NREP: variants seen among roughly 807,000 people sequenced by gnomAD.
NREP encodes neuronal regeneration related protein, also known as neuronal regeneration-related protein.
A neutral mutation model predicts 8.6 loss-of-function variants in NREP; 5 were observed. The observed-to-expected ratio is 0.58, with a 90% confidence interval of 0.30 to 1.22. The LOEUF (loss-of-function observed/expected upper bound fraction) is 1.22. Among genes scored for constraint, NREP ranks in the 50% most tolerant of loss-of-function variants. The pLI is 0.07. For missense variants in NREP, 86 were observed against 82.5 expected (o/e 1.04, Z -0.17); for synonymous variants, 27 against 28.0 (o/e 0.96, Z 0.11).
chr5:111,866,223 A>C (rs1183536283), intron 2 of NREP, among the ~76,000 whole-genome samples: 1 of 152,168 alleles, frequency 6.6e-6, no homozygotes, highest in Non-Finnish European at 1.5e-5. Flanking sequence ...CAACCTATAG[A>C]ATGGGAGAAA....
intron 2 of NREP, among the ~76,000 whole-genome samples, chr5:111,833,897 A>C (rs1042370543): frequency 6.6e-6 from 1 of 152,168 alleles, no homozygotes; most frequent in Admixed American, 6.6e-5. Flanking sequence ...GTTTCAGACT[A>C]TAGTTTTGAG....
intron 2 of NREP, among the ~76,000 whole-genome samples, chr5:111,935,750 G>C (rs1755665012): frequency 6.6e-6 from 1 of 152,052 alleles, no homozygotes; most frequent in Non-Finnish European, 1.5e-5. Context: ...TCTTAGAATA[G>C]AGGAATACCA....
chr5:111,767,055 C>A (rs931136217), intron 2 of NREP, among the ~76,000 whole-genome samples: 1 of 152,066 alleles, frequency 6.6e-6, no homozygotes, highest in Non-Finnish European at 1.5e-5. Flanking sequence ...TTTGAATGCA[C>A]ACGTGAAAAA....
intron 2 of NREP, among the ~76,000 whole-genome samples, chr5:111,815,993 A>G (rs1317822544): frequency 6.6e-6 from 1 of 152,198 alleles, no homozygotes; most frequent in Non-Finnish European, 1.5e-5. Flanking sequence ...ATGGCTTTCA[A>G]AGGGAGCAAA....
intron 2 of NREP, among the ~76,000 whole-genome samples, chr5:111,830,992 T>C (rs1257703315): frequency 6.6e-6 from 1 of 152,230 alleles, no homozygotes; most frequent in Admixed American, 6.5e-5. Flanking sequence ...GGAATTCTCC[T>C]ATATGGGAAG....
At chr5:111,826,834 C>T (rs532324275) in intron 2 of NREP, among the ~76,000 whole-genome samples, 1 of 152,190 alleles carries the variant, frequency 6.6e-6, no homozygotes, top group Admixed American at 6.5e-5. Context: ...CACACCTAGC[C>T]GGAAGTATAA....
At chr5:111,944,717 CT>C (rs749417534) in intron 2 of NREP, among the ~76,000 whole-genome samples, 60 of 152,270 alleles carry the variant, frequency 3.9e-4, no homozygotes, top group Non-Finnish European at 6.3e-4. Context: ...TCAAAGATCA[CT>C]TTGATTAGGA....
chr5:111,839,937 A>AAGACACCT (rs1420768711), intron 2 of NREP, among the ~76,000 whole-genome samples: 1 of 152,034 alleles, frequency 6.6e-6, no homozygotes, highest in Non-Finnish European at 1.5e-5. Context: ...AGACACTTGG[A>AAGACACCT]AGACACCTGA....
At chr5:111,870,150 C>T (rs979880684) in intron 2 of NREP, among the ~76,000 whole-genome samples, 12 of 152,188 alleles carry the variant, frequency 7.9e-5, no homozygotes, top group African/African-American at 2.7e-4. Flanking sequence ...GCACATTAGG[C>T]TGGGTGCAGT....
At chr5:111,849,727 G>A (rs1753263574) in intron 2 of NREP, among the ~76,000 whole-genome samples, 1 of 151,122 alleles carries the variant, frequency 6.6e-6, no homozygotes, top group African/African-American at 2.5e-5. Context: ...AATTCATCTG[G>A]GCACATAGCT....
chr5:111,956,917 T>C (rs1366993387), intron 2 of NREP, among the ~76,000 whole-genome samples: 2 of 151,756 alleles, frequency 1.3e-5, no homozygotes, highest in African/African-American at 2.4e-5. Context: ...TGAGCAGAGA[T>C]TGCACCACTG....
intron 2 of NREP, among the ~76,000 whole-genome samples, chr5:111,883,236 A>T (rs184997784): frequency 1.3e-5 from 2 of 152,232 alleles, no homozygotes; most frequent in African/African-American, 2.4e-5. Context: ...AAGCCATTAC[A>T]TAATGGTAAA....
chr5:111,884,254 C>T (rs1231947889), intron 2 of NREP, among the ~76,000 whole-genome samples: 1 of 151,496 alleles, frequency 6.6e-6, no homozygotes, highest in Non-Finnish European at 1.5e-5. Flanking sequence ...GACACATACA[C>T]TCTCCCAAGA....
At chr5:111,791,982 G>T (rs759410388) in intron 2 of NREP, among the ~76,000 whole-genome samples, 7 of 152,226 alleles carry the variant, frequency 4.6e-5, no homozygotes, top group Non-Finnish European at 7.4e-5. Flanking sequence ...AATGAGAAAA[G>T]TCCCTAGAAT....
At chr5:111,935,458 T>C (rs1454675915) in intron 2 of NREP, among the ~76,000 whole-genome samples, 1 of 152,024 alleles carries the variant, frequency 6.6e-6, no homozygotes, top group African/African-American at 2.4e-5. Context: ...CAGGGAGGCA[T>C]GCTACAGAAC....
chr5:111,887,037 C>T (rs966529738), intron 2 of NREP, among the ~76,000 whole-genome samples: 4 of 151,624 alleles, frequency 2.6e-5, no homozygotes, highest in African/African-American at 9.7e-5. Context: ...GATCCTCATG[C>T]CTCACCCTCC....
chr5:111,952,687 A>G (rs1488993542), intron 2 of NREP, among the ~76,000 whole-genome samples: 2 of 152,104 alleles, frequency 1.3e-5, no homozygotes, highest in East Asian at 3.9e-4. Flanking sequence ...CTGTTGATCT[A>G]AGGAAATTTA....
chr5:111,822,750 CAG>C (rs34022089), intron 2 of NREP, among the ~76,000 whole-genome samples: 45,066 of 151,886 alleles, frequency 0.3, 7,432 homozygotes, highest in Non-Finnish European at 0.39. Context: ...CAACAATTAA[CAG>C]AAAATAATTG....
chr5:111,864,212 C>T (rs991689890), intron 2 of NREP, among the ~76,000 whole-genome samples: 3 of 152,096 alleles, frequency 2.0e-5, no homozygotes, highest in African/African-American at 7.2e-5. Context: ...ACATCCATTA[C>T]TGGGGTCCTA....
Sources: allele counts gnomAD v4.1 joint callset (sites outside exome capture counted in the v4.1 genomes callset), GRCh38; gene constraint gnomAD v4.1.1; transcripts MANE v1.5; gene names NCBI Gene and HGNC (gene_info 2026-07-23, HGNC 2026-07-21).